SPOCK3: variants seen among roughly 807,000 people sequenced by gnomAD.
SPOCK3 encodes the protein SPARC (osteonectin), cwcv and kazal like domains proteoglycan 3.
Under a neutral mutation model 56.6 loss-of-function variants are expected in SPOCK3, and 30 were observed. The observed-to-expected ratio is 0.53, with a 90% CI of 0.40 to 0.72. The LOEUF (loss-of-function observed/expected upper bound fraction) is 0.72. SPOCK3 is among the 30% of genes least tolerant of loss of function. The pLI, the probability that SPOCK3 is intolerant of heterozygous loss-of-function variation, is 0.00. For missense variants in SPOCK3, 527 were observed against 530.0 expected (o/e 0.99, Z 0.06); for synonymous variants, 196 against 183.3 (o/e 1.07, Z -0.56).
At chr4:167,097,404 TG>T (rs1032334787) in intron 2 of SPOCK3, among the ~76,000 whole-genome samples, 2 of 151,878 alleles carry the variant, frequency 1.3e-5, no homozygotes, top group Non-Finnish European at 2.9e-5. Flanking sequence ...ATTAGGCTTC[TG>T]TTAATACTGC....
chr4:167,130,872 T>C (rs9968512), intron 2 of SPOCK3, among the ~76,000 whole-genome samples: 1 of 152,064 alleles, frequency 6.6e-6, no homozygotes, highest in Non-Finnish European at 1.5e-5. Context: ...TACTAAAATA[T>C]GATCTTTACT....
intron 2 of SPOCK3, among the ~76,000 whole-genome samples, chr4:167,108,459 G>A (rs1760373812): frequency 6.6e-6 from 1 of 151,814 alleles, no homozygotes; most frequent in South Asian, 2.1e-4. Context: ...ATACACAATG[G>A]CATACTATTC....
intron 2 of SPOCK3, among the ~76,000 whole-genome samples, chr4:167,200,857 G>T (rs1465987432): frequency 6.6e-6 from 1 of 152,032 alleles, no homozygotes; most frequent in African/African-American, 2.4e-5. Flanking sequence ...AAGAAAGAAA[G>T]TGTATCCTTT....
At chr4:166,828,711 T>C (rs2126786730) in intron 6 of SPOCK3, among the ~76,000 whole-genome samples, 1 of 152,196 alleles carries the variant, frequency 6.6e-6, no homozygotes, top group African/African-American at 2.4e-5. Flanking sequence ...CAATTCTTTG[T>C]TCATTTTAAC....
At chr4:167,218,717 C>G (rs1055674003) in intron 2 of SPOCK3, among the ~76,000 whole-genome samples, 2 of 152,026 alleles carry the variant, frequency 1.3e-5, no homozygotes, top group African/African-American at 2.4e-5. Context: ...AGACCACCTT[C>G]CCATTTTAAA....
At chr4:167,069,881 C>T (rs532609684) in intron 2 of SPOCK3, among the ~76,000 whole-genome samples, 2 of 151,920 alleles carry the variant, frequency 1.3e-5, no homozygotes, top group East Asian at 3.9e-4. Flanking sequence ...ATCTGTATTC[C>T]ATCCATATTT....
intron 3 of SPOCK3, among the ~76,000 whole-genome samples, chr4:167,012,269 G>GTA (rs1469704357): frequency 1.3e-5 from 2 of 151,856 alleles, no homozygotes; most frequent in Non-Finnish European, 2.9e-5. Context: ...GCCTCTACTA[G>GTA]TATATATGCA....
chr4:166,953,145 G>A (rs1742902662), intron 4 of SPOCK3, among the ~76,000 whole-genome samples: 1 of 151,332 alleles, frequency 6.6e-6, no homozygotes, highest in Admixed American at 6.6e-5. Context: ...GAGTGAACAG[G>A]CAACCTACAA....
At chr4:166,880,630 C>G (rs928191753) in intron 6 of SPOCK3, among the ~76,000 whole-genome samples, 2 of 152,168 alleles carry the variant, frequency 1.3e-5, no homozygotes, top group Non-Finnish European at 2.9e-5. Context: ...GTTTGATTCT[C>G]TAACAATTTT....
At chr4:166,856,251 G>A (rs1730650696) in intron 6 of SPOCK3, among the ~76,000 whole-genome samples, 1 of 152,018 alleles carries the variant, frequency 6.6e-6, no homozygotes, top group South Asian at 2.1e-4. Context: ...TTAGATAGGA[G>A]AAATAGTGCT....
At chr4:167,216,482 G>C (rs181875216) in intron 2 of SPOCK3, among the ~76,000 whole-genome samples, 79 of 152,216 alleles carry the variant, frequency 5.2e-4, no homozygotes, top group African/African-American at 1.8e-3. Flanking sequence ...GGATAATGAG[G>C]ATCTGGCCCA....
chr4:166,886,389 T>C (rs986107082), intron 6 of SPOCK3, among the ~76,000 whole-genome samples: 2 of 152,134 alleles, frequency 1.3e-5, no homozygotes, highest in African/African-American at 4.8e-5. Context: ...GAAAACTGTA[T>C]AGCTAAGTTA....
chr4:166,924,873 A>G (rs1738901922), intron 4 of SPOCK3, among the ~76,000 whole-genome samples: 1 of 152,210 alleles, frequency 6.6e-6, no homozygotes, highest in South Asian at 2.1e-4. Context: ...TGATAAAATA[A>G]TAACACTTTT....
chr4:167,074,096 GAATTAT>G lies in SPOCK3; in HGVS notation c.190-11565_190-11560del, dbSNP rs575220309. On this transcript the variant is annotated intron_variant, in intron 2 of 10. Coordinates refer to ENST00000357545, the MANE Select transcript of SPOCK3 (RefSeq NM_001040159.2). ...GCTAGTTTACTTGAAAGCTAAAACA[GAATTAT>G]AATAATCAGTAAAGGGTTATGTGGA... is the stretch of plus-strand genomic sequence containing the variant. Among the ~76,000 whole-genome samples, 21 of 151,062 alleles carry G rather than the reference GAATTAT, an allele frequency of 1.4e-4. No individual in the cohort carries two copies. The South Asian group carries it at 4.4e-3, about 32-fold the overall frequency.
chr4:166,953,496 A>T (rs71620407), intron 4 of SPOCK3, among the ~76,000 whole-genome samples: 23,687 of 151,178 alleles, frequency 0.16, 2,657 homozygotes, highest in African/African-American at 0.32. Context: ...GGGACTGTAA[A>T]CTAGTTCAAC....
In SPOCK3 at chr4:166,800,183, GAAAAAA is replaced by G. The variant is rs367811359; in HGVS notation, c.590-7900_590-7895del. Among the ~76,000 whole-genome samples, 59 of 51,788 alleles carry G rather than the reference GAAAAAA, an allele frequency of 1.1e-3. 5 individuals carry two copies. The East Asian group carries it at 0.062, about 54-fold the overall frequency. The allele number at this position is 51,788 out of a possible 152,430, so 34.0% of individuals were successfully genotyped here. A position where few individuals can be genotyped will look rare whatever the true frequency, so the allele number is the denominator to read the frequency against. On this transcript the variant is annotated intron_variant, in intron 6 of 10. Coordinates refer to ENST00000357545, the MANE Select transcript of SPOCK3 (RefSeq NM_001040159.2). ...GGCGACAGAGAGAGACTCCATCTCA[GAAAAAA>G]AAAAAAAAAAAAAAAAATGAAAACA...
At chr4:166,935,622 T>C (rs957762506) in intron 4 of SPOCK3, among the ~76,000 whole-genome samples, 4 of 152,180 alleles carry the variant, frequency 2.6e-5, no homozygotes, top group African/African-American at 9.7e-5. Flanking sequence ...TTTTGGTTTT[T>C]ACCCTGAGTG....
intron 4 of SPOCK3, among the ~76,000 whole-genome samples, chr4:166,940,345 C>T (rs941564381): frequency 1.3e-5 from 2 of 152,008 alleles, no homozygotes; most frequent in Admixed American, 6.6e-5. Context: ...GCCTCCCTAC[C>T]GAAGTCCGCG....
intron 2 of SPOCK3, among the ~76,000 whole-genome samples, chr4:167,095,352 C>A (rs1759059871): frequency 6.6e-6 from 1 of 151,806 alleles, no homozygotes; most frequent in African/African-American, 2.4e-5. Context: ...TATTGAATAA[C>A]AGTAATGTCA....
Sources: gnomAD v4.1 joint callset for allele counts (sites outside exome capture counted in the v4.1 genomes callset) on GRCh38, gnomAD v4.1.1 for gene constraint, MANE v1.5 for transcripts, NCBI Gene and HGNC (gene_info 2026-07-23, HGNC 2026-07-21) for gene names.